The following PPP6R2 variants were observed in gnomAD, a reference collection of about 807,000 sequenced individuals.
PPP6R2 encodes protein phosphatase 6 regulatory subunit 2.
PPP6R2 carries 62 observed loss-of-function variants against 100.2 expected under a neutral mutation model. The ratio of observed to expected loss-of-function variants is 0.62; its 90% CI spans 0.50 to 0.76. The LOEUF is 0.76. Ranked by LOEUF, PPP6R2 falls within the 30% of genes least tolerant of loss-of-function variation. The pLI, the probability that PPP6R2 is intolerant of heterozygous loss-of-function variation, is 0.00. For synonymous variants in PPP6R2, 525 were observed against 514.7 expected, an observed-to-expected ratio of 1.02 and a Z score of -0.27; for missense variants, 1,142 against 1,276.3, an observed-to-expected ratio of 0.89 and a Z score of 1.60.
intron 1 of PPP6R2, among the ~76,000 whole-genome samples, chr22:50,362,926 G>A (rs1284803672): frequency 2.0e-5 from 3 of 152,168 alleles, no homozygotes; most frequent in Non-Finnish European, 2.9e-5. Context: ...CTAAGCATAC[G>A]AAGACACCGG....
At chr22:50,338,658 G>C (rs561332625), upstream of PPP6R2, among the ~76,000 whole-genome samples, 1 of 144,344 alleles carries the variant, frequency 6.9e-6, no homozygotes, top group East Asian at 2.2e-4. Flanking sequence ...TATGTAGTGT[G>C]TGTGGTATGT....
At chr22:50,403,822 C>A (rs1162128198) in intron 3 of PPP6R2, among the ~76,000 whole-genome samples, 1 of 152,188 alleles carries the variant, frequency 6.6e-6, no homozygotes, top group Non-Finnish European at 1.5e-5. Context: ...GCACACCCAC[C>A]CCCCAGCCAG....
chr22:50,419,009 G>T, intron 7 of PPP6R2, 30 bp downstream of exon 7: 1 of 1,556,736 alleles, frequency 6.4e-7, no homozygotes, highest in Non-Finnish European at 8.9e-7. Flanking sequence ...GGTGCTGGTG[G>T]GCCTCCCTTT....
chr22:50,342,643 C>G (rs141315928), upstream of PPP6R2, among the ~76,000 whole-genome samples: 923 of 152,342 alleles, frequency 6.1e-3, 12 homozygotes, highest in African/African-American at 0.021. Flanking sequence ...CATGTTTTCC[C>G]AACATTTACC....
chr22:50,395,803 G>A (rs917824307), intron 3 of PPP6R2, among the ~76,000 whole-genome samples: 5 of 151,552 alleles, frequency 3.3e-5, no homozygotes, highest in African/African-American at 9.7e-5. Flanking sequence ...CTGGGCTCAA[G>A]CAATCCACCC....
intron 1 of PPP6R2, among the ~76,000 whole-genome samples, chr22:50,367,974 A>G (rs999462952): frequency 6.6e-6 from 1 of 152,202 alleles, no homozygotes; most frequent in Non-Finnish European, 1.5e-5. Context: ...AGATAAGGTC[A>G]TGCGAGTCAC....
intron 1 of PPP6R2, among the ~76,000 whole-genome samples, chr22:50,360,350 CTTT>C (rs146808027): frequency 8.9e-5 from 12 of 135,344 alleles, no homozygotes; most frequent in Non-Finnish European, 7.9e-5. Flanking sequence ...CATGCTCAGC[CTTT>C]TTTTTTTTTT....
intron 3 of PPP6R2, among the ~76,000 whole-genome samples, chr22:50,395,857 G>A (rs2056690140): frequency 6.6e-6 from 1 of 151,414 alleles, no homozygotes; most frequent in African/African-American, 2.4e-5. Flanking sequence ...GTGAGCCACT[G>A]TGCCTGGCTC....
At chr22:50,441,917 C>T (rs781750129) in intron 22 of PPP6R2, among the ~76,000 whole-genome samples, 15 of 152,096 alleles carry the variant, frequency 9.9e-5, no homozygotes, top group South Asian at 2.1e-4. Flanking sequence ...CTGGGCTTGA[C>T]GTGGGGAGGA....
At chr22:50,440,266 C>T (rs1412450678) in intron 21 of PPP6R2, among the ~76,000 whole-genome samples, 1 of 152,236 alleles carries the variant, frequency 6.6e-6, no homozygotes, top group Non-Finnish European at 1.5e-5. Flanking sequence ...ATTGGGCTGG[C>T]TCTGAGCCTG....
At chr22:50,426,143 G>A (rs997694295) in intron 10 of PPP6R2, among the ~76,000 whole-genome samples, 17 of 152,160 alleles carry the variant, frequency 1.1e-4, no homozygotes, top group Admixed American at 1.0e-3. Context: ...TGTAGAGATG[G>A]GGTCTCGCTA....
intron 2 of PPP6R2, among the ~76,000 whole-genome samples, chr22:50,385,321 G>A (rs995785186): frequency 2.0e-5 from 3 of 151,746 alleles, no homozygotes; most frequent in Admixed American, 6.6e-5. Flanking sequence ...TCAGCCTCCC[G>A]AGTAGCTGGG....
At chr22:50,417,709 T>G (rs1260803560) in intron 6 of PPP6R2, among the ~76,000 whole-genome samples, 1 of 151,922 alleles carries the variant, frequency 6.6e-6, no homozygotes, top group South Asian at 2.1e-4. Context: ...TGCCTGATGT[T>G]GGCGTCTGTA....
chr22:50,337,920 GGT>G, the PPP6R2 span, among the ~76,000 whole-genome samples: 6 of 144,552 alleles, frequency 4.2e-5, no homozygotes, highest in African/African-American at 1.3e-4. Context: ...TAGTGTGTGT[GGT>G]GTGTGGGGTG....
intron 2 of PPP6R2, among the ~76,000 whole-genome samples, chr22:50,392,703 G>A (rs749698900): frequency 6.6e-6 from 1 of 152,208 alleles, no homozygotes; most frequent in African/African-American, 2.4e-5. Flanking sequence ...AAGCAGCCAG[G>A]TAGGTATCTG....
chr22:50,439,003 G>A (rs2065011665), intron 19 of PPP6R2, among the ~76,000 whole-genome samples: 1 of 152,202 alleles, frequency 6.6e-6, no homozygotes, highest in Non-Finnish European at 1.5e-5. Flanking sequence ...CGTTGCCAAG[G>A]CTGGTGGGTG....
rs201950151 is a variant in PPP6R2, at chr22:50,356,913, GA to G, written c.-148+13364del. The stretch of plus-strand genomic sequence containing the variant: ...CGTGCCACTGCCCTCCAGCTTGGGC[GA>G]CAGAGGGAGACTCTGTCTCAAAAAA... On this transcript the variant is annotated intron_variant, in intron 1 of 23. Transcript: ENST00000612753. Among the ~76,000 whole-genome samples the G allele has an allele frequency of 8.5e-3, 1,278 of 150,618 alleles. 25 individuals carry two copies. Among genetic ancestry groups the G allele is most frequent in the African/African-American group, 0.03 (1,204 of 40,664 alleles).
chr22:50,410,916 C>T (rs1049859520), intron 4 of PPP6R2, among the ~76,000 whole-genome samples: 5 of 152,108 alleles, frequency 3.3e-5, no homozygotes, highest in East Asian at 1.9e-4. Flanking sequence ...CTCAGCCTCC[C>T]GCGTAGCCAG....
intron 3 of PPP6R2, among the ~76,000 whole-genome samples, chr22:50,396,145 G>A (rs1387726785): frequency 6.9e-6 from 1 of 144,340 alleles, no homozygotes; most frequent in African/African-American, 2.6e-5. Flanking sequence ...GCAGTGAGCT[G>A]AGATTGCGCC....
Sources: gnomAD v4.1 joint callset for allele counts (sites outside exome capture counted in the v4.1 genomes callset) on GRCh38, gnomAD v4.1.1 for gene constraint, MANE v1.5 for transcripts, NCBI Gene and HGNC (gene_info 2026-07-23, HGNC 2026-07-21) for gene names.